Variants in ADAMTS6 observed in about 807,000 individuals in gnomAD.
ADAMTS6 encodes ADAM metallopeptidase with thrombospondin type 1 motif 6.
Under a neutral mutation model 144.3 loss-of-function variants are expected in ADAMTS6, and 23 were observed. The observed-to-expected ratio is 0.16, with a 90% CI of 0.11 to 0.23. ADAMTS6 has a LOEUF of 0.23. Among genes scored for constraint, ADAMTS6 ranks in the 10% least tolerant of loss-of-function variants. The pLI is 1.00. For missense variants in ADAMTS6, 999 were observed against 1,379.6 expected, an observed-to-expected ratio of 0.72 and a Z score of 4.37; for synonymous variants, 444 against 457.5, an observed-to-expected ratio of 0.97 and a Z score of 0.38.
intron 14 of ADAMTS6, among the ~76,000 whole-genome samples, chr5:65,250,926 T>G (rs546237739): frequency 6.6e-6 from 1 of 152,292 alleles, no homozygotes; most frequent in African/African-American, 2.4e-5. Context: ...AAAAGTAAGT[T>G]TTCTAGTATT....
chr5:65,399,506 G>A (rs1227838158), intron 7 of ADAMTS6, among the ~76,000 whole-genome samples: 6 of 151,488 alleles, frequency 4.0e-5, no homozygotes, highest in African/African-American at 9.7e-5. Flanking sequence ...TCTTATTTTC[G>A]TGTATCAATT....
At chr5:65,350,679 T>C (rs967073291) in intron 7 of ADAMTS6, among the ~76,000 whole-genome samples, 2 of 150,916 alleles carry the variant, frequency 1.3e-5, no homozygotes, top group African/African-American at 2.4e-5. Flanking sequence ...GTGGGGAGGG[T>C]GTCTCACTCT....
At chr5:65,291,196 T>C (rs1247204073) in intron 11 of ADAMTS6, 133 bp downstream of exon 11, 15 of 1,007,114 alleles carry the variant, frequency 1.5e-5, no homozygotes, top group Non-Finnish European at 1.8e-5. Context: ...TCAGAAAAAC[T>C]GCAGTGTCAA....
At chr5:65,343,194 C>G (rs1580446116) in intron 7 of ADAMTS6, among the ~76,000 whole-genome samples, 1 of 151,564 alleles carries the variant, frequency 6.6e-6, no homozygotes, top group African/African-American at 2.4e-5. Context: ...AAACAAAAAC[C>G]CTAAAATGTG....
intron 12 of ADAMTS6, among the ~76,000 whole-genome samples, chr5:65,265,074 AG>A (rs1761507090): frequency 6.6e-6 from 1 of 152,104 alleles, no homozygotes; most frequent in South Asian, 2.1e-4. Context: ...TTTTTAGAGC[AG>A]TGCTGAGCAA....
At chr5:65,464,936 C>T (rs933216861) in intron 3 of ADAMTS6, among the ~76,000 whole-genome samples, 16 of 152,180 alleles carry the variant, frequency 1.1e-4, no homozygotes, top group African/African-American at 3.9e-4. Context: ...TCACTTCCCT[C>T]ACAACCCAGC....
intron 11 of ADAMTS6, among the ~76,000 whole-genome samples, chr5:65,281,418 T>G (rs1038153659): frequency 2.0e-5 from 3 of 152,168 alleles, no homozygotes; most frequent in East Asian, 1.9e-4. Context: ...AAATTATAAC[T>G]ATTATATACT....
intron 12 of ADAMTS6, among the ~76,000 whole-genome samples, chr5:65,266,778 G>C (rs1256239332): frequency 6.6e-6 from 1 of 151,974 alleles, no homozygotes; most frequent in East Asian, 1.9e-4. Context: ...CTCTGCAGAA[G>C]TGTTCGTGTT....
rs1752048295 is a variant in ADAMTS6, at chr5:65,149,827, G to C, written c.*2009C>G. The C allele has an allele frequency of 6.6e-6, 1 of 152,648 alleles. No homozygotes were observed. Among genetic ancestry groups the C allele is most frequent in the African/African-American group, 2.4e-5 (1 of 41,454 alleles). 9.5% of individuals were successfully genotyped at this position (152,648 alleles called of 1,614,324 possible). On this transcript the variant is annotated 3_prime_UTR_variant, in exon 25 of 25. Coordinates refer to ENST00000381055, the MANE Select transcript of ADAMTS6 (RefSeq NM_197941.4). ...GGGCCATACTACCCATGGGCTGTTT[G>C]CCCTTCACTGAATGGCTAAGACGGC...
At chr5:65,285,405 A>G (rs1357243682) in intron 11 of ADAMTS6, among the ~76,000 whole-genome samples, 1 of 152,108 alleles carries the variant, frequency 6.6e-6, no homozygotes, top group African/African-American at 2.4e-5. Flanking sequence ...TATTTGTCAA[A>G]TATTTATTGA....
At chr5:65,338,401 C>T (rs551138073) in intron 7 of ADAMTS6, among the ~76,000 whole-genome samples, 8 of 152,324 alleles carry the variant, frequency 5.3e-5, no homozygotes, top group African/African-American at 1.7e-4. Context: ...GAGACTGTAA[C>T]GTTGGTATAC....
chr5:65,302,598 T>A (rs924005610), intron 9 of ADAMTS6, among the ~76,000 whole-genome samples: 2 of 151,956 alleles, frequency 1.3e-5, no homozygotes, highest in Admixed American at 1.3e-4. Flanking sequence ...TCTCTTTGAA[T>A]GGTCTTCAAG....
chr5:65,391,035 C>T (rs921742938), intron 7 of ADAMTS6, among the ~76,000 whole-genome samples: 5 of 151,768 alleles, frequency 3.3e-5, no homozygotes, highest in Non-Finnish European at 7.4e-5. Flanking sequence ...GTTCACCCAC[C>T]TCAGCCCCCC....
chr5:65,341,356 GCAA>G (rs1256009121), intron 7 of ADAMTS6, among the ~76,000 whole-genome samples: 1 of 151,380 alleles, frequency 6.6e-6, no homozygotes, highest in African/African-American at 2.4e-5. Context: ...CAAAATCAGA[GCAA>G]CAATAAATGA....
chr5:65,360,589 T>C (rs920382171), intron 7 of ADAMTS6, among the ~76,000 whole-genome samples: 1 of 151,612 alleles, frequency 6.6e-6, no homozygotes, highest in South Asian at 2.1e-4. Flanking sequence ...TGTGTTATAA[T>C]GAAGTGTAAA....
In ADAMTS6 at chr5:65,225,105, A is replaced by G. The variant is rs1415162696; in HGVS notation, c.2068-58T>C. The G allele has an allele frequency of 2.2e-5, 34 of 1,544,298 alleles. No homozygotes were observed. In the Admixed American group the frequency reaches 5.3e-4, roughly 24 times the overall value. ...GAGAGAAATTCTTGGAATCATAACT[A>G]ATGAAATACATATAACTTATTTATT... is the stretch of plus-strand genomic sequence containing the variant. On this transcript the variant is annotated intron_variant, in intron 16 of 24. Transcript: ENST00000381055.
chr5:65,226,561 T>C (rs191002929), intron 15 of ADAMTS6, among the ~76,000 whole-genome samples: 2 of 152,174 alleles, frequency 1.3e-5, no homozygotes, highest in East Asian at 1.9e-4. Context: ...GGTAATTGAA[T>C]GTTTTTTAAA....
intron 20 of ADAMTS6, among the ~76,000 whole-genome samples, chr5:65,199,409 A>C (rs142588132): frequency 7.9e-4 from 121 of 152,350 alleles, no homozygotes; most frequent in African/African-American, 2.8e-3. Flanking sequence ...TTGCAAAAGC[A>C]GGGCCTCTGC....
At chr5:65,455,268 T>C (rs1474071372) in intron 4 of ADAMTS6, among the ~76,000 whole-genome samples, 1 of 152,170 alleles carries the variant, frequency 6.6e-6, no homozygotes, top group African/African-American at 2.4e-5. Context: ...TCAGGTCGAG[T>C]GTGATGGCTC....
Sources: gnomAD v4.1 joint callset for allele counts (sites outside exome capture counted in the v4.1 genomes callset) on GRCh38, gnomAD v4.1.1 for gene constraint, MANE v1.5 for transcripts, NCBI Gene and HGNC (gene_info 2026-07-23, HGNC 2026-07-21) for gene names.